Variants in CYS1 observed in about 807,000 individuals in gnomAD.
CYS1 encodes the protein cystin-1.
In CYS1, 5 loss-of-function variants were observed where a neutral mutation model predicts 9.6. The observed-to-expected ratio is 0.52, with a 90% confidence interval of 0.27 to 1.10. The LOEUF is 1.10. Among genes scored for constraint, CYS1 ranks in the 50% least tolerant of loss-of-function variants. CYS1 has a pLI of 0.11. For synonymous variants in CYS1, 88 were observed against 95.7 expected (o/e 0.92, Z 0.47); for missense variants, 221 against 207.9 (o/e 1.06, Z -0.39).
In CYS1 at chr2:10,057,464, G is replaced by C. The variant is rs1270759476; in HGVS notation, c.*1389C>G. On this transcript the variant is annotated 3_prime_UTR_variant, in exon 3 of 3. Transcript: ENST00000381813. ...GACAGCGCCAAGGAGCTGGCCGTTG[G>C]TTCCTGAGATGCTCCTGCTCTGCTG... is the stretch of plus-strand genomic sequence containing the variant. 3 of 152,296 alleles carry C rather than the reference G, an allele frequency of 2.0e-5. No homozygotes were observed. Among genetic ancestry groups the C allele is most frequent in the African/African-American group, 7.2e-5 (3 of 41,470 alleles). 9.4% of individuals were successfully genotyped at this position (152,296 alleles called of 1,614,324 possible). A position where few individuals can be genotyped will look rare whatever the true frequency, so the allele number is the denominator to read the frequency against.
At chr2:10,070,784 C>G (rs1420422658) in intron 1 of CYS1, among the ~76,000 whole-genome samples, 6 of 152,054 alleles carry the variant, frequency 3.9e-5, no homozygotes, top group Admixed American at 2.0e-4. Context: ...ACTGAAACTA[C>G]AGGCACATGC....
In CYS1 at chr2:10,058,866, T is replaced by C; in HGVS notation, c.464A>G (p.Glu155Gly). The change falls in exon 3 of 3, where the codon GAG becomes GGG. Residue 155 changes from glutamate to glycine, a missense_variant. Physicochemically the swap from Glu to Gly is moderately conservative, Grantham distance 98. Transcript: ENST00000381813. ...AGCATGCTGTCCTCAGCGGCAGTAC[T>C]CCCGCTCGATGCTCGCCATCAGCCC... ...EEGLMASIER[E>G]YCR 1 of 1,581,946 alleles carries C rather than the reference T, an allele frequency of 6.3e-7. No individual in the cohort carries two copies. Among genetic ancestry groups the C allele is most frequent in the Non-Finnish European group, 8.6e-7 (1 of 1,164,546 alleles).
At chr2:10,065,748 C>T (rs1029044673) in intron 2 of CYS1, among the ~76,000 whole-genome samples, 156 bp downstream of exon 2, 8 of 152,182 alleles carry the variant, frequency 5.3e-5, no homozygotes, top group African/African-American at 1.9e-4. Flanking sequence ...GCAGGACCTT[C>T]CCTTGAGGGC....
chr2:10,061,757 C>T (rs926021975), intron 2 of CYS1, among the ~76,000 whole-genome samples: 3 of 152,198 alleles, frequency 2.0e-5, no homozygotes, highest in African/African-American at 7.2e-5. Context: ...CTGGGCTCCA[C>T]AGCCACCCCT....
chr2:10,063,108 G>A lies in CYS1; in HGVS notation c.371+2796C>T, dbSNP rs1347009664. ...CGTTGTCAGGATGGTCAGGACTGGG[G>A]TCAAGGCCCACACGCCCCAGGCTGA... On this transcript the variant is annotated intron_variant, in intron 2 of 2. Transcript: ENST00000381813. The surrounding 1 kb of genome is among the most constrained non-coding windows in gnomAD (Gnocchi z 4.2). Among the ~76,000 whole-genome samples the A allele has an allele frequency of 2.6e-5, 4 of 152,250 alleles. No homozygotes were observed. Among genetic ancestry groups the A allele is most frequent in the African/African-American group, 7.2e-5 (3 of 41,468 alleles).
chr2:10,077,299 A>G (rs1661857571), intron 1 of CYS1, among the ~76,000 whole-genome samples: 1 of 152,192 alleles, frequency 6.6e-6, no homozygotes, highest in Non-Finnish European at 1.5e-5. Flanking sequence ...CTCAAAAAAC[A>G]AAAACAAAAA....
intron 2 of CYS1, among the ~76,000 whole-genome samples, chr2:10,064,177 C>T (rs563104866): frequency 2.0e-5 from 3 of 151,954 alleles, no homozygotes; most frequent in African/African-American, 7.3e-5. Context: ...GAGCCGAGAT[C>T]GTACCAGTGC....
intron 1 of CYS1, among the ~76,000 whole-genome samples, chr2:10,078,184 TCAA>T (rs1254247096): frequency 6.6e-6 from 1 of 151,564 alleles, no homozygotes; most frequent in Non-Finnish European, 1.5e-5. Flanking sequence ...GCTGACCTCC[TCAA>T]CAATTCCTGA....
intron 1 of CYS1, among the ~76,000 whole-genome samples, chr2:10,068,478 A>G (rs1013380382): frequency 6.6e-6 from 1 of 152,246 alleles, no homozygotes; most frequent in African/African-American, 2.4e-5. Flanking sequence ...TCAGGCACAT[A>G]GCAGGCATCC....
intron 2 of CYS1, among the ~76,000 whole-genome samples, chr2:10,064,890 GT>G (rs1057040554): frequency 6.8e-6 from 1 of 146,114 alleles, no homozygotes; most frequent in African/African-American, 2.6e-5. Flanking sequence ...GCTAATTTTT[GT>G]TTTTGTTTTT....
intron 1 of CYS1, among the ~76,000 whole-genome samples, chr2:10,067,319 G>C (rs1661711266): frequency 6.6e-6 from 1 of 151,850 alleles, no homozygotes; most frequent in African/African-American, 2.4e-5. Context: ...TGCCCAGCCA[G>C]CAATGTTATC....
chr2:10,070,881 C>A (rs116390921), intron 1 of CYS1, among the ~76,000 whole-genome samples: 1 of 152,070 alleles, frequency 6.6e-6, no homozygotes, highest in Non-Finnish European at 1.5e-5. Context: ...TGAGCTCAAG[C>A]GATCCCCCCA....
chr2:10,062,774 A>T lies in CYS1; in HGVS notation c.371+3130T>A, dbSNP rs149662831. Among the ~76,000 whole-genome samples, 1,311 of 152,338 alleles carry T rather than the reference A, an allele frequency of 8.6e-3. 16 individuals are homozygous for T. The highest frequency in any genetic ancestry group is 0.051 in the South Asian group (245 of 4,826). On this transcript the variant is annotated intron_variant, in intron 2 of 2. Coordinates refer to ENST00000381813, the MANE Select transcript of CYS1 (RefSeq NM_001037160.3). ...TACTGCCTTGGATCTCAGTTTACTCACTAGGAAAATGGGGAGGAGTAACCT... is the reference window on the plus strand; with the variant it reads ...TACTGCCTTGGATCTCAGTTTACTCTCTAGGAAAATGGGGAGGAGTAACCT...
At chr2:10,079,174 C>T (rs1212851615) in intron 1 of CYS1, among the ~76,000 whole-genome samples, 4 of 152,156 alleles carry the variant, frequency 2.6e-5, no homozygotes, top group Non-Finnish European at 5.9e-5. Flanking sequence ...CCCCCACCCT[C>T]CCTGGGGCCT....
Position 10,079,990 on chromosome 2 carries a change from C to A in CYS1, c.234G>T (p.Leu78=). 9.1e-7 allele frequency: 1 copy of A among 1,095,474 alleles called. No individual in the cohort carries two copies. Among genetic ancestry groups the A allele is most frequent in the Non-Finnish European group, 1.1e-6 (1 of 901,634 alleles). The allele number at this position is 1,095,474 out of a possible 1,614,324, so 67.9% of individuals were successfully genotyped here. The change falls in exon 1 of 3, where the codon CTG becomes CTT. Residue 78 remains leucine, a synonymous_variant. Coordinates refer to ENST00000381813, the MANE Select transcript of CYS1 (RefSeq NM_001037160.3). ...GGGGGCCCCAGGCCGCCGACTCGGC[C>A]AGCAGCTCGTCCAGCAGGCGCAGCG... ...DETLRLLDEL[L]AESAAWGPPE...
chr2:10,074,360 T>A (rs980100165), intron 1 of CYS1, among the ~76,000 whole-genome samples: 2 of 152,216 alleles, frequency 1.3e-5, no homozygotes, highest in African/African-American at 4.8e-5. Flanking sequence ...CACTTTCCCT[T>A]GCTTGTCAAA....
rs1661844782 is a variant in CYS1 at position 10,076,437 on chromosome 2, T to C, written c.318+3469A>G. ...ACTGCACCGCCCTCCTTGTGTCCTA[T>C]TCTCCATGAACTCCAGCCCAAGGCG... On this transcript the variant is annotated intron_variant, in intron 1 of 2. Coordinates refer to ENST00000381813, the MANE Select transcript of CYS1 (RefSeq NM_001037160.3). The surrounding 1 kb of genome is among the most constrained non-coding windows in gnomAD (Gnocchi z 4.3). Among the ~76,000 whole-genome samples the C allele has an allele frequency of 6.6e-6, 1 of 152,062 alleles. No individual in the cohort carries two copies. The highest frequency in any genetic ancestry group is 6.6e-5 in the Admixed American group (1 of 15,248).
intron 2 of CYS1, among the ~76,000 whole-genome samples, chr2:10,062,800 C>G (rs1342272940): frequency 6.6e-6 from 1 of 152,248 alleles, no homozygotes; most frequent in Non-Finnish European, 1.5e-5. Context: ...GGAGTAACCT[C>G]TCTCACCAAT....
chr2:10,075,009 G>C (rs1419971509), intron 1 of CYS1, among the ~76,000 whole-genome samples: 1 of 152,176 alleles, frequency 6.6e-6, no homozygotes, highest in East Asian at 1.9e-4. Flanking sequence ...CTACTCAGGA[G>C]GCTGAGACAG....
Sources: gnomAD v4.1 joint callset for allele counts (sites outside exome capture counted in the v4.1 genomes callset) on GRCh38, gnomAD v4.1.1 for gene constraint, Gnocchi (gnomAD v3.1) non-coding constraint, MANE v1.5 for transcripts, NCBI Gene and HGNC (gene_info 2026-07-23, HGNC 2026-07-21) for gene names.